Variants in MAX observed in about 807,000 individuals in gnomAD.
MAX encodes protein max.
A neutral mutation model predicts 22.3 loss-of-function variants in MAX; 3 were observed. The observed-to-expected ratio is 0.13, with a 90% confidence interval of 0.06 to 0.35. The LOEUF is 0.35. MAX is among the 10% of genes least tolerant of loss of function. The pLI is 1.00. For missense variants in MAX, 119 were observed against 209.4 expected, an observed-to-expected ratio of 0.57 and a Z score of 2.66; for synonymous variants, 72 against 77.7, an observed-to-expected ratio of 0.93 and a Z score of 0.39.
At chr14:65,021,835 G>A in intron 3 of MAX, 1 of 425,410 alleles carries the variant, frequency 2.4e-6, no homozygotes, top group East Asian at 7.2e-5. Flanking sequence ...TAGTAGAGAT[G>A]GGGTTTCACC....
In MAX at chr14:65,093,820, A is replaced by G. The variant is rs774765085; in HGVS notation, c.64-5T>C. 1 of 1,517,448 alleles carries G rather than the reference A, an allele frequency of 6.6e-7. No homozygotes were observed. Among genetic ancestry groups the G allele is most frequent in the Non-Finnish European group, 9.2e-7 (1 of 1,091,718 alleles). The allele number at this position is 1,517,448 out of a possible 1,614,324, so 94.0% of individuals were successfully genotyped here. On this transcript the variant is annotated splice_region_variant and splice_polypyrimidine_tract_variant and intron_variant, in intron 2 of 4. Transcript: ENST00000358664. The surrounding 1 kb of genome is among the most constrained non-coding windows in gnomAD (Gnocchi z 4.4). ...ATGATGAGCCCGTTTGTCAGCCTAG[A>G]AGAATGGGAGAAAGAACACATTAGG...
intron 3 of MAX, among the ~76,000 whole-genome samples, chr14:65,026,581 C>A (rs1005499025): frequency 6.6e-6 from 1 of 152,124 alleles, no homozygotes; most frequent in Admixed American, 6.6e-5. Flanking sequence ...GTTTTTCAGC[C>A]GGATGCAGTG....
chr14:65,028,056 G>A lies in MAX; in HGVS notation c.172-21772C>T, dbSNP rs2062016072. ...AAAATACATTTGTTTGGTACAAAATGATATACCACAATATAAATAACTGTA... is the reference window on the plus strand; with the variant it reads ...AAAATACATTTGTTTGGTACAAAATAATATACCACAATATAAATAACTGTA... On this transcript the variant is annotated intron_variant, in intron 3 of 3. Coordinates refer to the MAX transcript ENST00000341653. This position sits in a 1 kb window ranked among gnomAD's most constrained non-coding sequence, Gnocchi z 4.4. Among the ~76,000 whole-genome samples the A allele has an allele frequency of 6.6e-6, 1 of 152,206 alleles. No homozygotes were observed. The highest frequency in any genetic ancestry group is 2.4e-5 in the African/African-American group (1 of 41,458).
chr14:65,006,180 A>G (rs780640005), exon 4 of MAX: 4 of 1,552,060 alleles, frequency 2.6e-6, no homozygotes, highest in Non-Finnish European at 2.6e-6. Context: ...TTTTGCCACC[A>G]TTTCCTTAAG....
intron 3 of MAX, among the ~76,000 whole-genome samples, chr14:65,026,927 G>A (rs988706968): frequency 3.9e-5 from 6 of 152,116 alleles, no homozygotes; most frequent in African/African-American, 1.4e-4. Flanking sequence ...GGCCCACAGA[G>A]GCTTAGGTGG....
intron 3 of MAX, among the ~76,000 whole-genome samples, chr14:65,092,445 T>C (rs931683954): frequency 2.0e-5 from 3 of 152,234 alleles, no homozygotes; most frequent in African/African-American, 7.2e-5. Flanking sequence ...AGATAATCTT[T>C]GGCATGTGTT....
In MAX at chr14:65,027,598, A is replaced by G. The variant is rs774834025; in HGVS notation, c.172-21314T>C. 6.2e-7 allele frequency: 1 copy of G among 1,614,196 alleles called. No individual in the cohort carries two copies. The highest frequency in any genetic ancestry group is 1.1e-5 in the South Asian group (1 of 91,088). On this transcript the variant is annotated intron_variant, in intron 3 of 3. Transcript: ENST00000341653. This position sits in a 1 kb window ranked among gnomAD's most constrained non-coding sequence, Gnocchi z 5.7. ...CGAGGAGGCCTATGACATCATTAAC[A>G]GGTACAGTGAAAGCCAGCAGTGACA...
At chr14:65,081,641 G>A (rs941599571) in intron 3 of MAX, among the ~76,000 whole-genome samples, 1 of 152,230 alleles carries the variant, frequency 6.6e-6, no homozygotes, top group Non-Finnish European at 1.5e-5. Flanking sequence ...TGATCAGATA[G>A]AACTTGGTAA....
chr14:65,085,428 T>C (rs905062318), intron 3 of MAX, among the ~76,000 whole-genome samples: 5 of 152,214 alleles, frequency 3.3e-5, no homozygotes, highest in Admixed American at 6.5e-5. Flanking sequence ...AGGCAAGGCC[T>C]AGTAATCAAT....
Position 65,102,366 on chromosome 14 carries a change from G to A in MAX, c.-27C>T, listed in dbSNP as rs2063876583. 1.2e-6 allele frequency: 2 copies of A among 1,612,832 alleles called. No homozygotes were observed. Among genetic ancestry groups the A allele is most frequent in the Non-Finnish European group, 8.5e-7 (1 of 1,179,446 alleles). ...TCCTACGGCCCAGGGAGCGGCCACT[G>A]CAGCGGCGGCGGGGAGGGGAAGGGG... On this transcript the variant is annotated 5_prime_UTR_variant, in exon 1 of 5. Transcript: ENST00000358664.
rs185720190 is a variant in MAX, at chr14:65,022,116, C to T, written c.172-15832G>A. On this transcript the variant is annotated intron_variant, in intron 3 of 3. Transcript: ENST00000341653. Reference sequence around the variant, plus strand: ...TCACCTGTCCATTGTCATATTCTACCTAGGGAAGGAGATTTCCTCTTCACT... The same window carrying T: ...TCACCTGTCCATTGTCATATTCTACTTAGGGAAGGAGATTTCCTCTTCACT... The T allele has an allele frequency of 7.1e-4, 325 of 455,054 alleles. 1 individual carries two copies. The highest frequency in any genetic ancestry group is 5.8e-3 in the African/African-American group (293 of 50,130). The allele number at this position is 455,054 out of a possible 1,614,324, so 28.2% of individuals were successfully genotyped here.
rs1324482048 is a variant in MAX at position 65,032,157 on chromosome 14, A to C, written c.172-25873T>G. 6.6e-6 allele frequency among the ~76,000 whole-genome samples: 1 copy of C among 152,138 alleles called. No homozygotes were observed. The highest frequency in any genetic ancestry group is 2.4e-5 in the African/African-American group (1 of 41,422). On this transcript the variant is annotated intron_variant, in intron 3 of 3. Transcript: ENST00000341653. The surrounding 1 kb of genome is among the most constrained non-coding windows in gnomAD (Gnocchi z 5.0). ...CTGTTTTGCAGTTTATCTGTTGCAG[A>C]AAAAGTATAGTTAATCTTTAATGTG...
At chr14:65,053,285 C>A in intron 3 of MAX, 1 of 1,468,568 alleles carries the variant, frequency 6.8e-7, no homozygotes, top group Non-Finnish European at 9.1e-7. Context: ...TCAGCAGGCC[C>A]TGCAGGAGTA....
intron 3 of MAX, among the ~76,000 whole-genome samples, chr14:65,018,570 G>A (rs2139537235): frequency 6.6e-6 from 1 of 152,294 alleles, no homozygotes; most frequent in Middle Eastern, 3.4e-3. Context: ...AGGGCTTGGG[G>A]AGGCCAAGGT....
rs773309833 is a variant in MAX at position 65,032,616 on chromosome 14, A to C, written c.172-26332T>G. ...CCCGTTTCTGTCTTTCCAGAAGCGCATACTGTGCTGCCTCCGTAGCCTCGC... is the reference window on the plus strand; with the variant it reads ...CCCGTTTCTGTCTTTCCAGAAGCGCCTACTGTGCTGCCTCCGTAGCCTCGC... On this transcript the variant is annotated intron_variant, in intron 3 of 3. Transcript: ENST00000341653. This position sits in a 1 kb window ranked among gnomAD's most constrained non-coding sequence, Gnocchi z 5.0. 1.2e-6 allele frequency: 2 copies of C among 1,613,766 alleles called. No individual in the cohort carries two copies. The highest frequency in any genetic ancestry group is 1.7e-5 in the Admixed American group (1 of 59,996).
chr14:65,027,446 T>A lies in MAX; in HGVS notation c.172-21162A>T. 6.2e-7 allele frequency: 1 copy of A among 1,614,132 alleles called. No individual in the cohort carries two copies. Among genetic ancestry groups the A allele is most frequent in the Non-Finnish European group, 8.5e-7 (1 of 1,180,008 alleles). On this transcript the variant is annotated intron_variant, in intron 3 of 3. Transcript: ENST00000341653. This position sits in a 1 kb window ranked among gnomAD's most constrained non-coding sequence, Gnocchi z 5.7. ...ACTTTGTTTTTGCCCTTTGGCTGTG[T>A]ACCTAGTGTGTGTCAGTTCCTGGAG...
At chr14:65,095,299 A>G (rs1234042986) in intron 2 of MAX, among the ~76,000 whole-genome samples, 2 of 152,238 alleles carry the variant, frequency 1.3e-5, no homozygotes, top group South Asian at 2.1e-4. Context: ...TGCCTGGAGC[A>G]CTTCTAAAGT....
chr14:65,057,406 G>A (rs2062760791), intron 3 of MAX, among the ~76,000 whole-genome samples: 2 of 152,100 alleles, frequency 1.3e-5, no homozygotes, highest in Admixed American at 1.3e-4. Context: ...GAGATAGAGT[G>A]AGACCCTGCC....
Position 65,044,322 on chromosome 14 carries a change from A to G in MAX, c.172-38038T>C, listed in dbSNP as rs772861260. ...CTGTGTCTCCTCAGCAATGGGTGAC[A>G]AGCCGGCAGATGCGATTTGAAGGAG... On this transcript the variant is annotated intron_variant, in intron 3 of 3. Transcript: ENST00000341653. This position sits in a 1 kb window ranked among gnomAD's most constrained non-coding sequence, Gnocchi z 5.5. 7 of 1,613,374 alleles carry G rather than the reference A, an allele frequency of 4.3e-6. No homozygotes were observed. Among genetic ancestry groups the G allele is most frequent in the Non-Finnish European group, 4.2e-6 (5 of 1,179,786 alleles).
Sources: allele counts gnomAD v4.1 joint callset (sites outside exome capture counted in the v4.1 genomes callset), GRCh38; gene constraint gnomAD v4.1.1; non-coding constraint Gnocchi (gnomAD v3.1); transcripts MANE v1.5; gene names NCBI Gene and HGNC (gene_info 2026-07-23, HGNC 2026-07-21).